RBFOX1: variants seen among roughly 807,000 people sequenced by gnomAD.
RBFOX1 encodes the protein RNA binding protein fox-1 homolog 1.
Under a neutral mutation model 57.7 loss-of-function variants are expected in RBFOX1, and 8 were observed. The observed-to-expected ratio is 0.14, with a 90% CI of 0.08 to 0.25. RBFOX1 has a LOEUF of 0.25. Ranked by LOEUF, RBFOX1 falls within the 10% of genes least tolerant of loss-of-function variation. The pLI, the probability that RBFOX1 is intolerant of heterozygous loss-of-function variation, is 1.00. For missense variants in RBFOX1, 611 were observed against 548.5 expected (o/e 1.11, Z -1.14); for synonymous variants, 326 against 222.4 (o/e 1.47, Z -4.15).
chr16:5,424,923 CT>C (rs1167230941), intron 1 of RBFOX1, among the ~76,000 whole-genome samples: 1 of 89,594 alleles, frequency 1.1e-5, no homozygotes, highest in Admixed American at 1.3e-4. Flanking sequence ...TTCTTTCTTT[CT>C]TTCTTTCTTT....
chr16:6,924,521 C>A (rs946872779), intron 3 of RBFOX1, among the ~76,000 whole-genome samples: 2 of 152,074 alleles, frequency 1.3e-5, no homozygotes, highest in African/African-American at 2.4e-5. Flanking sequence ...AGGCCCACCT[C>A]CAACATTGGG....
intron 3 of RBFOX1, among the ~76,000 whole-genome samples, chr16:6,729,771 C>T (rs2192351): frequency 6.6e-6 from 1 of 152,098 alleles, no homozygotes; most frequent in African/African-American, 2.4e-5. Context: ...ACTCTGTGTT[C>T]ACTTAAGTTG....
chr16:6,758,876 A>T (rs778886296), intron 3 of RBFOX1, among the ~76,000 whole-genome samples: 1 of 152,122 alleles, frequency 6.6e-6, no homozygotes, highest in Admixed American at 6.5e-5. Flanking sequence ...CCTCATCCTA[A>T]TAAAAGTAAT....
chr16:7,394,682 G>C (rs1224288824), intron 4 of RBFOX1, among the ~76,000 whole-genome samples: 1 of 152,146 alleles, frequency 6.6e-6, no homozygotes, highest in East Asian at 1.9e-4. Context: ...GGCAGTTTCG[G>C]AGACCACGCC....
At position 5,776,192 on chromosome 16, in the gene RBFOX1, G is replaced by A. The variant is rs112941977; in HGVS notation, c.319-91111G>A. On this transcript the variant is annotated intron_variant, in intron 3 of 19. Coordinates refer to the RBFOX1 transcript ENST00000641259. ...GTTTCACTGTGTGAAGGCTGTTTGG[G>A]TTGGTGCTTAAGTTTTATCATAAAT... 2.2e-3 allele frequency among the ~76,000 whole-genome samples: 342 copies of A among 152,334 alleles called. 1 individual carries two copies. The highest frequency in any genetic ancestry group is 3.7e-3 in the Non-Finnish European group (253 of 68,038).
At chr16:5,657,511 C>T (rs372039725) in intron 3 of RBFOX1, among the ~76,000 whole-genome samples, 2 of 152,110 alleles carry the variant, frequency 1.3e-5, no homozygotes, top group African/African-American at 4.8e-5. Flanking sequence ...AAGTATTGAG[C>T]AGCACAGTGT....
At chr16:7,460,231 C>T (rs1216884089) in intron 4 of RBFOX1, among the ~76,000 whole-genome samples, 2 of 151,622 alleles carry the variant, frequency 1.3e-5, no homozygotes, top group Admixed American at 1.3e-4. Flanking sequence ...GAAACTGCAA[C>T]ACCCAGAAGA....
chr16:5,397,290 A>G (rs1266935750), intron 1 of RBFOX1, among the ~76,000 whole-genome samples: 1 of 151,884 alleles, frequency 6.6e-6, no homozygotes, highest in East Asian at 1.9e-4. Flanking sequence ...TGCTCCAAAC[A>G]TTTCCTTCTG....
At chr16:5,277,798 G>C (rs1270549607) in intron 1 of RBFOX1, among the ~76,000 whole-genome samples, 1 of 152,146 alleles carries the variant, frequency 6.6e-6, no homozygotes, top group Non-Finnish European at 1.5e-5. Context: ...ATGACCTTTA[G>C]TTCCATCCAT....
At chr16:6,316,175 C>G (rs1373926358) in intron 1 of RBFOX1, among the ~76,000 whole-genome samples, 14 of 150,250 alleles carry the variant, frequency 9.3e-5, no homozygotes, top group Non-Finnish European at 3.0e-5. Flanking sequence ...AGTCAGTATC[C>G]CAACCCCCTT....
chr16:6,302,179 T>C (rs935283683), intron 1 of RBFOX1, among the ~76,000 whole-genome samples: 5 of 152,060 alleles, frequency 3.3e-5, no homozygotes, highest in Non-Finnish European at 7.4e-5. Context: ...TTGGATGAGG[T>C]GGCATATTAG....
chr16:7,392,083 T>A (rs572274392), intron 4 of RBFOX1, among the ~76,000 whole-genome samples: 18 of 152,378 alleles, frequency 1.2e-4, no homozygotes, highest in African/African-American at 3.4e-4. Context: ...AGAATTATTT[T>A]CAGTGTTTGA....
chr16:6,889,057 T>G (rs950105502), intron 3 of RBFOX1, among the ~76,000 whole-genome samples: 4 of 152,166 alleles, frequency 2.6e-5, no homozygotes, highest in Non-Finnish European at 4.4e-5. Flanking sequence ...TTGATTGTAT[T>G]TTTTCCCTTA....
At chr16:5,950,820 G>A (rs763926919) in intron 4 of RBFOX1, among the ~76,000 whole-genome samples, 18 of 152,060 alleles carry the variant, frequency 1.2e-4, no homozygotes, top group South Asian at 2.1e-4. Context: ...GGGAAACTCA[G>A]TGTGGTGAAT....
intron 14 of RBFOX1, among the ~76,000 whole-genome samples, chr16:7,708,790 G>T (rs371429308): frequency 6.6e-6 from 1 of 150,472 alleles, no homozygotes; most frequent in Non-Finnish European, 1.5e-5. Context: ...ACAGTATTAT[G>T]GGGGGAGGCA....
intron 3 of RBFOX1, among the ~76,000 whole-genome samples, chr16:6,729,974 A>T (rs892508107): frequency 6.6e-6 from 1 of 152,094 alleles, no homozygotes; most frequent in Non-Finnish European, 1.5e-5. Context: ...TCCTGATGCC[A>T]ACAAATGACT....
intron 2 of RBFOX1, among the ~76,000 whole-genome samples, chr16:6,346,901 G>T (rs1334355454): frequency 6.6e-6 from 1 of 152,268 alleles, no homozygotes; most frequent in East Asian, 1.9e-4. Flanking sequence ...TACCTCAACA[G>T]AGTCTTGGTG....
chr16:6,606,017 G>C (rs140711058), intron 2 of RBFOX1, among the ~76,000 whole-genome samples: 323 of 152,174 alleles, frequency 2.1e-3, no homozygotes, highest in African/African-American at 7.2e-3. Flanking sequence ...ACTGAGGCAG[G>C]AGGATCACTT....
At chr16:7,217,577 G>T (rs1370907054) in intron 4 of RBFOX1, among the ~76,000 whole-genome samples, 2 of 151,940 alleles carry the variant, frequency 1.3e-5, no homozygotes, top group African/African-American at 4.8e-5. Context: ...AAAAAGGCAT[G>T]ACAAAGGGTC....
Sources: gnomAD v4.1 joint callset for allele counts (sites outside exome capture counted in the v4.1 genomes callset) on GRCh38, gnomAD v4.1.1 for gene constraint, MANE v1.5 for transcripts, NCBI Gene and HGNC (gene_info 2026-07-23, HGNC 2026-07-21) for gene names.